The following NAV2 variants were observed in gnomAD, a reference collection of about 807,000 sequenced individuals.
The protein encoded by NAV2 is helicase, APC down-regulated 1.
In NAV2, 54 loss-of-function variants were observed where a neutral mutation model predicts 223.2. That is an observed-to-expected ratio of 0.24 (90% CI 0.19 to 0.30). The LOEUF (loss-of-function observed/expected upper bound fraction) is 0.30, where lower values mean the gene tolerates loss of function less well. NAV2 is among the 10% of genes least tolerant of loss of function. The pLI, the probability that NAV2 is intolerant of heterozygous loss-of-function variation, is 1.00. For missense variants in NAV2, 2,806 were observed against 3,147.5 expected (o/e 0.89, Z 2.60); for synonymous variants, 1,279 against 1,239.3 (o/e 1.03, Z -0.67).
rs564385974 is a variant in NAV2 at position 20,103,991 on chromosome 11, A to G, written c.6644+267A>G. The stretch of plus-strand genomic sequence containing the variant: ...GGTCAGTGGCAGAGTGGAACTTGCA[A>G]TCAAGTCTCTGCCTCTGAGTCTTGC... On this transcript the variant is annotated intron_variant, in intron 34 of 37. Transcript: ENST00000349880. 7.9e-5 allele frequency among the ~76,000 whole-genome samples: 12 copies of G among 152,310 alleles called. No individual in the cohort carries two copies. In the South Asian group the frequency reaches 1.5e-3, roughly 18 times the overall value.
intron 1 of NAV2, among the ~76,000 whole-genome samples, chr11:19,490,993 T>C (rs185778492): frequency 1.7e-3 from 265 of 152,310 alleles, no homozygotes; most frequent in Non-Finnish European, 2.2e-3. Flanking sequence ...GCCAGGTGCA[T>C]TGTCAATGAG....
chr11:19,728,407 T>C (rs898437511), intron 1 of NAV2, among the ~76,000 whole-genome samples: 3 of 152,200 alleles, frequency 2.0e-5, no homozygotes, highest in African/African-American at 7.2e-5. Context: ...TCTGTATTTC[T>C]TAGGGCTCTG....
chr11:19,451,974 G>A (rs915278679), intron 1 of NAV2, among the ~76,000 whole-genome samples: 3 of 152,134 alleles, frequency 2.0e-5, no homozygotes, highest in African/African-American at 7.2e-5. Flanking sequence ...GCATTGAAGA[G>A]GATCAACAAG....
intron 1 of NAV2, among the ~76,000 whole-genome samples, chr11:19,551,199 C>T (rs2044679102): frequency 6.6e-6 from 1 of 152,284 alleles, no homozygotes; most frequent in Non-Finnish European, 1.5e-5. Context: ...CCCTGCAGCA[C>T]CATCACTTTC....
chr11:19,624,202 C>T (rs193170123), intron 1 of NAV2, among the ~76,000 whole-genome samples: 3 of 152,344 alleles, frequency 2.0e-5, no homozygotes, highest in African/African-American at 7.2e-5. Flanking sequence ...CCCAGTTAGG[C>T]TACTCGGGGG....
intron 14 of NAV2, 22 bp downstream of exon 14, chr11:20,045,692 G>A (rs1469292453): frequency 1.5e-5 from 24 of 1,576,308 alleles, no homozygotes; most frequent in Non-Finnish European, 1.9e-5. Context: ...CATAAATGGT[G>A]CAGAGCAGAA....
chr11:19,538,437 T>G (rs567401749), intron 1 of NAV2, among the ~76,000 whole-genome samples: 1 of 152,170 alleles, frequency 6.6e-6, no homozygotes, highest in South Asian at 2.1e-4. Context: ...ACCTCGTAGG[T>G]TCACGCAATC....
intron 1 of NAV2, among the ~76,000 whole-genome samples, chr11:19,513,118 G>C (rs576915645): frequency 6.6e-6 from 1 of 152,258 alleles, no homozygotes; most frequent in South Asian, 2.1e-4. Context: ...TGATGACCGG[G>C]CATTTTTATA....
chr11:19,880,666 T>G (rs2063145772), intron 5 of NAV2, among the ~76,000 whole-genome samples: 1 of 152,170 alleles, frequency 6.6e-6, no homozygotes, highest in Non-Finnish European at 1.5e-5. Flanking sequence ...TGTGTTGAAC[T>G]GAGATGGGGA....
At chr11:20,040,503 A>C (rs1274787740) in intron 12 of NAV2, among the ~76,000 whole-genome samples, 2 of 152,210 alleles carry the variant, frequency 1.3e-5, no homozygotes, top group Non-Finnish European at 2.9e-5. Context: ...CATGCACAGC[A>C]AATGAGTGGC....
At chr11:19,559,551 A>C (rs1232887653) in intron 1 of NAV2, among the ~76,000 whole-genome samples, 1 of 152,220 alleles carries the variant, frequency 6.6e-6, no homozygotes, top group Non-Finnish European at 1.5e-5. Context: ...TTTGTTCAGA[A>C]TGTGTCTACT....
chr11:19,603,365 T>C lies in NAV2; in HGVS notation c.76-229119T>C, dbSNP rs568646938. Among the ~76,000 whole-genome samples, 3 of 152,114 alleles carry C rather than the reference T, an allele frequency of 2.0e-5. No individual in the cohort carries two copies. In the South Asian group the frequency reaches 6.2e-4, roughly 32 times the overall value. Reference sequence around the variant, plus strand: ...AAAGAGGGCCAGGCACAGTGGCTTATGTTTGTAATCCCAGCACTTTGGGAG... The same window carrying C: ...AAAGAGGGCCAGGCACAGTGGCTTACGTTTGTAATCCCAGCACTTTGGGAG... On this transcript the variant is annotated intron_variant, in intron 1 of 37. Transcript: ENST00000360655.
chr11:19,937,355 C>A (rs2045996375), intron 7 of NAV2, among the ~76,000 whole-genome samples: 1 of 149,934 alleles, frequency 6.7e-6, no homozygotes, highest in African/African-American at 2.5e-5. Context: ...AATTGCTCCC[C>A]CCCCGCCCAC....
At chr11:20,040,272 A>G (rs2056786623) in intron 12 of NAV2, among the ~76,000 whole-genome samples, 1 of 152,198 alleles carries the variant, frequency 6.6e-6, no homozygotes, top group Non-Finnish European at 1.5e-5. Flanking sequence ...CTGTTCTCCC[A>G]TAATGCAAGA....
At chr11:19,958,202 C>A (rs2048047840) in intron 10 of NAV2, among the ~76,000 whole-genome samples, 1 of 152,218 alleles carries the variant, frequency 6.6e-6, no homozygotes, top group Non-Finnish European at 1.5e-5. Flanking sequence ...GCCTTGGACA[C>A]TGGAATCCTT....
rs559409200 is a variant in NAV2, at chr11:19,491,024, T to G, written c.75+139997T>G. Among the ~76,000 whole-genome samples, 8 of 152,282 alleles carry G rather than the reference T, an allele frequency of 5.3e-5. No homozygotes were observed. The Middle Eastern group carries it at 0.01, about 194-fold the overall frequency. On this transcript the variant is annotated intron_variant, in intron 1 of 37. Coordinates refer to the NAV2 transcript ENST00000360655. ...ATGAGCAATAATATCTCGAAAAGAA[T>G]ATTTTTTTCTGAGGAGTAGGTCTCA...
At chr11:19,467,785 C>A (rs946549991) in intron 1 of NAV2, among the ~76,000 whole-genome samples, 3 of 152,170 alleles carry the variant, frequency 2.0e-5, no homozygotes, top group Admixed American at 1.3e-4. Flanking sequence ...GTCCTTAGTT[C>A]TGACAAGAGC....
At chr11:19,666,797 C>A (rs527772527) in intron 1 of NAV2, among the ~76,000 whole-genome samples, 1 of 152,270 alleles carries the variant, frequency 6.6e-6, no homozygotes, top group South Asian at 2.1e-4. Context: ...TCCACCTGGC[C>A]TCTCATGATA....
At position 19,595,577 on chromosome 11, in the gene NAV2, C is replaced by T. The variant is rs1018826797; in HGVS notation, c.76-236907C>T. Among the ~76,000 whole-genome samples the T allele has an allele frequency of 4.6e-5, 7 of 151,870 alleles. No homozygotes were observed. The South Asian group carries it at 1.5e-3, about 32-fold the overall frequency. ...CTTTTTTTATTTTTATTTTTTGAGA[C>T]AGGATCTCACTCTGTTGCCCAGGCT... On this transcript the variant is annotated intron_variant, in intron 1 of 37. Transcript: ENST00000360655.
Sources: gnomAD v4.1 joint callset for allele counts (sites outside exome capture counted in the v4.1 genomes callset) on GRCh38, gnomAD v4.1.1 for gene constraint, MANE v1.5 for transcripts, NCBI Gene and HGNC (gene_info 2026-07-23, HGNC 2026-07-21) for gene names.